The following DGKH variants were observed in gnomAD, a reference collection of about 807,000 sequenced individuals.
The protein encoded by DGKH is diacylglycerol kinase eta.
DGKH carries 90 observed loss-of-function variants against 159.3 expected under a neutral mutation model. The observed-to-expected ratio is 0.57, with a 90% CI of 0.48 to 0.67. DGKH has a LOEUF of 0.67. DGKH is among the 30% of genes least tolerant of loss of function. The probability of loss-of-function intolerance (pLI) is 0.00; values close to 1 mark genes in which losing one functional copy is unlikely to be tolerated. For synonymous variants in DGKH, 536 were observed against 553.8 expected (o/e 0.97, Z 0.45); for missense variants, 1,181 against 1,506.1 (o/e 0.78, Z 3.57).
intron 25 of DGKH, 116 bp from the exon 26 acceptor site, chr13:42,215,459 G>T: frequency 1.4e-6 from 1 of 728,926 alleles, no homozygotes; most frequent in Non-Finnish European, 2.1e-6. Context: ...TAGAATTTTG[G>T]TAGATTAAAA....
intron 1 of DGKH, among the ~76,000 whole-genome samples, chr13:42,094,592 G>A (rs957369708): frequency 1.3e-5 from 2 of 152,282 alleles, no homozygotes; most frequent in East Asian, 3.9e-4. Flanking sequence ...CTAGGTCTGT[G>A]TAGTGAATTG....
Position 42,214,605 on chromosome 13 carries a change from G to T in DGKH, c.3113G>T (p.Cys1038Phe), listed in dbSNP as rs932767472. The part of the protein sequence containing the change: ...SHALNKANPR[C>F]PESLTRDTAT... ...GCCCTGAATAAAGCCAACCCAAGGT[G>T]CCCGGAGGTGAGGATCTAATGGTAA... The change falls in exon 25 of 30, where the codon TGC becomes TTC. Residue 1038 changes from cysteine to phenylalanine, a missense_variant. This residue lies in a region of DGKH where 335 missense variants were observed against 495.2 expected (regional missense o/e 0.68). Coordinates refer to ENST00000337343, the MANE Select transcript of DGKH (RefSeq NM_178009.5). 2 of 1,613,096 alleles carry T rather than the reference G, an allele frequency of 1.2e-6. No individual in the cohort carries two copies. Among genetic ancestry groups the T allele is most frequent in the East Asian group, 2.2e-5 (1 of 44,872 alleles).
intron 11 of DGKH, 96 bp from the exon 12 acceptor site, chr13:42,173,962 TGC>T (rs367789252): frequency 2.7e-5 from 19 of 709,578 alleles, no homozygotes; most frequent in Admixed American, 7.4e-5. Context: ...TGTGTGTGCG[TGC>T]GTGTGTGTGT....
At chr13:42,142,877 A>G (rs149678618) in intron 3 of DGKH, among the ~76,000 whole-genome samples, 291 of 152,306 alleles carry the variant, frequency 1.9e-3, no homozygotes, top group Non-Finnish European at 3.4e-3. Flanking sequence ...TCCTAACTGA[A>G]TACCGTTTAT....
chr13:42,049,453 A>G (rs1332356775), intron 1 of DGKH, among the ~76,000 whole-genome samples: 2 of 152,266 alleles, frequency 1.3e-5, no homozygotes, highest in Non-Finnish European at 2.9e-5. Flanking sequence ...CCTGCGCTGC[A>G]GTGAGCCCTG....
intron 1 of DGKH, among the ~76,000 whole-genome samples, chr13:42,089,823 G>A (rs1310451594): frequency 6.6e-6 from 1 of 152,110 alleles, no homozygotes; most frequent in Non-Finnish European, 1.5e-5. Context: ...GTATGCCCAG[G>A]TTCTGGGGAT....
At chr13:42,069,800 CATG>C in intron 1 of DGKH, 2 of 1,067,956 alleles carry the variant, frequency 1.9e-6, no homozygotes, top group Non-Finnish European at 2.7e-6. Flanking sequence ...TATTTGTTTT[CATG>C]ATGATCTGGG....
In DGKH at chr13:42,237,399, GGA is replaced by G. The variant is rs1491366033; in HGVS notation, c.*8212_*8213del. 3 of 119,886 alleles carry G rather than the reference GGA, an allele frequency of 2.5e-5. No individual in the cohort carries two copies. Among genetic ancestry groups the G allele is most frequent in the East Asian group, 2.8e-4 (1 of 3,566 alleles). The allele number at this position is 119,886 out of a possible 1,614,324, so 7.4% of individuals were successfully genotyped here. A position where few individuals can be genotyped will look rare whatever the true frequency, so the allele number is the denominator to read the frequency against. On this transcript the variant is annotated 3_prime_UTR_variant, in exon 30 of 30. Coordinates refer to ENST00000337343, the MANE Select transcript of DGKH (RefSeq NM_178009.5). ...TGCACAAGCAGTTATTGGAAGTGGG[GGA>G]AAAAAAGAAAACTGGTGAGAGAAAT...
intron 24 of DGKH, among the ~76,000 whole-genome samples, chr13:42,212,142 G>A (rs376935138): frequency 5.3e-5 from 8 of 152,088 alleles, no homozygotes; most frequent in Non-Finnish European, 8.8e-5. Flanking sequence ...TGGTTTCAGC[G>A]GCTAACTCAC....
intron 20 of DGKH, among the ~76,000 whole-genome samples, chr13:42,204,670 G>A (rs1957421022): frequency 6.6e-6 from 1 of 152,200 alleles, no homozygotes; most frequent in Non-Finnish European, 1.5e-5. Flanking sequence ...GATTCACAGA[G>A]CAGAGAAGTC....
intron 29 of DGKH, 109 bp downstream of exon 29, chr13:42,221,503 G>A (rs1957972257): frequency 1.0e-5 from 14 of 1,400,688 alleles, no homozygotes; most frequent in South Asian, 2.8e-5. Flanking sequence ...TCATGCAAAT[G>A]TGTAGTAACC....
At chr13:42,222,524 T>C (rs1358180248) in intron 29 of DGKH, among the ~76,000 whole-genome samples, 2 of 152,280 alleles carry the variant, frequency 1.3e-5, no homozygotes, top group African/African-American at 4.8e-5. Context: ...ATCTGGAACA[T>C]AGCAAAATAT....
In DGKH at chr13:42,048,720, C is replaced by T. The variant is rs969533505; in HGVS notation, c.-54C>T. On this transcript the variant is annotated 5_prime_UTR_variant, in exon 1 of 30. Coordinates refer to ENST00000337343, the MANE Select transcript of DGKH (RefSeq NM_178009.5). The surrounding 1 kb of genome is among the most constrained non-coding windows in gnomAD (Gnocchi z 6.7). ...CGCTCGGGCAGAGCCCACCCGCTGA[C>T]CAACGCCGCCGCCCCCGCCGGGCGG... 4.2e-5 allele frequency: 52 copies of T among 1,240,328 alleles called. No homozygotes were observed. The highest frequency in any genetic ancestry group is 4.4e-5 in the Non-Finnish European group (43 of 986,470). The allele number at this position is 1,240,328 out of a possible 1,614,324, so 76.8% of individuals were successfully genotyped here.
intron 1 of DGKH, among the ~76,000 whole-genome samples, chr13:42,096,272 G>T (rs1451448687): frequency 6.6e-6 from 1 of 151,770 alleles, no homozygotes; most frequent in African/African-American, 2.4e-5. Context: ...CTTAGTGTCT[G>T]TTGTTCCCAT....
rs559566499 is a variant in DGKH, at chr13:42,227,523, C to T, written c.3574-1576C>T. On this transcript the variant is annotated intron_variant, in intron 29 of 29. Transcript: ENST00000337343. ...CAAAAAATCTAAATGTGACTGTAAA[C>T]GCATGTACATTTCAAATTTAGGTAG... Among the ~76,000 whole-genome samples, 15 of 152,166 alleles carry T rather than the reference C, an allele frequency of 9.9e-5. No individual in the cohort carries two copies. In the South Asian group the frequency reaches 1.2e-3, roughly 13 times the overall value.
intron 1 of DGKH, 91 bp from the exon 2 acceptor site, chr13:42,127,372 A>G (rs1417631840): frequency 1.1e-6 from 1 of 893,636 alleles, no homozygotes; most frequent in Non-Finnish European, 1.8e-6. Context: ...ATATTATTCA[A>G]AATGTTAATG....
upstream of DGKH, among the ~76,000 whole-genome samples, chr13:42,047,850 T>C (rs1225130626): frequency 2.6e-5 from 4 of 152,208 alleles, no homozygotes; most frequent in Non-Finnish European, 4.4e-5. Context: ...GCTTAGACAC[T>C]TCTTGTGCGT....
chr13:42,121,824 G>A (rs935446535), intron 1 of DGKH, among the ~76,000 whole-genome samples: 1 of 152,176 alleles, frequency 6.6e-6, no homozygotes, highest in African/African-American at 2.4e-5. Context: ...CCAGGTTCCT[G>A]GGACACAGAG....
At chr13:42,164,265 T>C (rs1466243163) in intron 7 of DGKH, among the ~76,000 whole-genome samples, 2 of 152,238 alleles carry the variant, frequency 1.3e-5, no homozygotes, top group East Asian at 3.8e-4. Flanking sequence ...AATTTGATCA[T>C]CTGCTTTTCT....
Sources: allele counts gnomAD v4.1 joint callset (sites outside exome capture counted in the v4.1 genomes callset), GRCh38; gene constraint gnomAD v4.1.1; regional missense constraint gnomAD v4.1.1; non-coding constraint Gnocchi (gnomAD v3.1); transcripts MANE v1.5; gene names NCBI Gene and HGNC (gene_info 2026-07-23, HGNC 2026-07-21).